EPB42: variants seen among roughly 807,000 people sequenced by gnomAD.
The protein encoded by EPB42 is protein 4.2.
In EPB42, 49 loss-of-function variants were observed where a neutral mutation model predicts 76.9. The ratio of observed to expected loss-of-function variants is 0.64; its 90% CI spans 0.51 to 0.81. The LOEUF is 0.81. EPB42 is among the 30% of genes least tolerant of loss of function. EPB42 has a pLI of 0.00. For missense variants in EPB42, 731 were observed against 867.6 expected (o/e 0.84, Z 1.98); for synonymous variants, 310 against 338.4 (o/e 0.92, Z 0.92).
At chr15:43,219,632 T>G (rs2042428236) in intron 1 of EPB42, among the ~76,000 whole-genome samples, 1 of 152,154 alleles carries the variant, frequency 6.6e-6, no homozygotes, top group Admixed American at 6.5e-5. Flanking sequence ...AGATTTTAAT[T>G]TGTCTGGTCT....
intron 12 of EPB42, among the ~76,000 whole-genome samples, chr15:43,200,634 T>C (rs1346774023): frequency 6.6e-6 from 1 of 152,000 alleles, no homozygotes; most frequent in Non-Finnish European, 1.5e-5. Context: ...TGGAAGAAAA[T>C]GTTAATAGCT....
intron 1 of EPB42, among the ~76,000 whole-genome samples, chr15:43,219,943 TAAA>T (rs770805269): frequency 2.9e-5 from 4 of 137,734 alleles, no homozygotes; most frequent in African/African-American, 2.7e-5. Flanking sequence ...AGACTCCGTT[TAAA>T]AAAAAAAAAA....
chr15:43,206,668 G>C lies in EPB42; in HGVS notation c.1319-39C>G. ...GAAACAAAGCTGACCTTTTACCCGG[G>C]TGGTATAAATGCTTCTAATAAAACC... On this transcript the variant is annotated intron_variant, in intron 9 of 12. Coordinates refer to ENST00000441366, the MANE Select transcript of EPB42 (RefSeq NM_001114134.2). The surrounding 1 kb of genome is among the most constrained non-coding windows in gnomAD (Gnocchi z 4.7). 1 of 1,611,440 alleles carries C rather than the reference G, an allele frequency of 6.2e-7. No individual in the cohort carries two copies. Among genetic ancestry groups the C allele is most frequent in the South Asian group, 1.1e-5 (1 of 90,850 alleles).
At chr15:43,197,549 G>T in intron 12 of EPB42, 85 bp from the exon 13 acceptor site, 1 of 1,482,904 alleles carries the variant, frequency 6.7e-7, no homozygotes, top group South Asian at 1.2e-5. Flanking sequence ...TTCCTTGCTT[G>T]AAGAGGTGGA....
chr15:43,198,399 CAA>C (rs1055084781), intron 12 of EPB42, among the ~76,000 whole-genome samples: 1 of 152,144 alleles, frequency 6.6e-6, no homozygotes, highest in African/African-American at 2.4e-5. Context: ...TATGTTTTAG[CAA>C]AGAGACTGGT....
chr15:43,220,590 T>G (rs2042442721), intron 1 of EPB42: 4 of 847,960 alleles, frequency 4.7e-6, no homozygotes, highest in Non-Finnish European at 7.8e-6. Flanking sequence ...CCAGCACCCA[T>G]CATCACACCA....
intron 1 of EPB42, among the ~76,000 whole-genome samples, chr15:43,219,233 G>C (rs1055223665): frequency 3.9e-5 from 6 of 152,188 alleles, no homozygotes; most frequent in Admixed American, 3.9e-4. Context: ...TTCCAGCACA[G>C]AGATACAGGA....
upstream of EPB42, among the ~76,000 whole-genome samples, chr15:43,223,954 C>T (rs2042485087): frequency 6.6e-6 from 1 of 152,094 alleles, no homozygotes. Flanking sequence ...GCCTTGACAA[C>T]AGAGCAAGAC....
chr15:43,203,397 C>T (rs2042156486), intron 10 of EPB42, 122 bp from the exon 11 acceptor site: 2 of 1,269,382 alleles, frequency 1.6e-6, no homozygotes, highest in Admixed American at 2.0e-5. Context: ...GCACCATTTT[C>T]CCCAGCAATT....
At chr15:43,221,861 T>A (rs1174845046), upstream of EPB42, among the ~76,000 whole-genome samples, 2 of 151,344 alleles carry the variant, frequency 1.3e-5, no homozygotes, top group Non-Finnish European at 2.9e-5. Flanking sequence ...CTTCTGCCTT[T>A]CACTAGCGCA....
In EPB42 at chr15:43,216,427, G is replaced by A; in HGVS notation, c.37C>T (p.Gln13Ter). Residue 13 changes from glutamine to a stop codon, truncating the protein, a stop_gained, in exon 2 of 13, where the codon CAG becomes TAG. Transcript: ENST00000441366. LOFTEE classifies it high-confidence loss of function. ...QALGIKSCDF[Q>*]AARNNEEHHT... is the part of the protein sequence containing the mutation. ...TGCTCCTCATTGTTTCTTGCTGCCT[G>A]AAAGTCACAGCTCTTGATACCCAGG... The A allele has an allele frequency of 2.5e-6, 4 of 1,614,212 alleles. No homozygotes were observed. The highest frequency in any genetic ancestry group is 3.4e-6 in the Non-Finnish European group (4 of 1,180,034).
In EPB42 at chr15:43,220,653, C is replaced by A. The variant is rs546531258; in HGVS notation, c.10+163G>T. 74 of 943,622 alleles carry A rather than the reference C, an allele frequency of 7.8e-5. No individual in the cohort carries two copies. In the Admixed American group the frequency reaches 8.7e-4, roughly 11 times the overall value. The allele number at this position is 943,622 out of a possible 1,614,324, so 58.5% of individuals were successfully genotyped here. A position where few individuals can be genotyped will look rare whatever the true frequency, so the allele number is the denominator to read the frequency against. On this transcript the variant is annotated intron_variant, in intron 1 of 12. Coordinates refer to ENST00000441366, the MANE Select transcript of EPB42 (RefSeq NM_001114134.2). The stretch of plus-strand genomic sequence containing the variant: ...CTACCAGCACCCACCTACCACACCC[C>A]CCCCCCACAGCCACCTCATTATCAC...
At position 43,209,395 on chromosome 15, in the gene EPB42, C is replaced by A. The variant is rs1325077884; in HGVS notation, c.711G>T (p.Gln237His). ...VLPTPQTQAT[Q>H]EGALLNKRRG... ...GGCGCTTGTTCAGCAAGGCCCCTTC[C>A]TGGGTGGCCTGGGTCTGCGGGGTGG... The change falls in exon 6 of 13, where the codon CAG (glutamine) becomes CAT (histidine). Residue 237 changes from glutamine to histidine, a missense_variant. Gln to His is a conservative substitution (Grantham distance 24). Transcript: ENST00000441366. 1.9e-6 allele frequency: 3 copies of A among 1,613,626 alleles called. No individual in the cohort carries two copies. Among genetic ancestry groups the A allele is most frequent in the Non-Finnish European group, 2.5e-6 (3 of 1,179,832 alleles).
chr15:43,212,139 G>A (rs2162367), intron 3 of EPB42, among the ~76,000 whole-genome samples: 2,052 of 152,070 alleles, frequency 0.013, 38 homozygotes, highest in African/African-American at 0.047. Flanking sequence ...AGGCTGAGGC[G>A]GGTGGATCAC....
At chr15:43,216,500 A>G (rs1286195257) in intron 1 of EPB42, 47 bp from the exon 2 acceptor site, 7 of 1,591,268 alleles carry the variant, frequency 4.4e-6, no homozygotes, top group Non-Finnish European at 5.2e-6. Context: ...ACATGTGACA[A>G]TGTAAGTACA....
Position 43,211,407 on chromosome 15 carries a change from C to T in EPB42, c.549+9G>A. The T allele has an allele frequency of 6.4e-7, 1 of 1,556,282 alleles. No individual in the cohort carries two copies. Among genetic ancestry groups the T allele is most frequent in the South Asian group, 1.1e-5 (1 of 89,942 alleles). ...CTCTACACACTCCTCCCCTAGAGGG[C>T]CCTGGTACCTGGCCAAAGTCCCAGG... On this transcript the variant is annotated intron_variant, in intron 4 of 12. Transcript: ENST00000441366.
At chr15:43,220,647 A>ACC (rs1394498919) in intron 1 of EPB42, 169 bp downstream of exon 1, 11 of 756,784 alleles carry the variant, frequency 1.5e-5, no homozygotes, top group South Asian at 6.9e-5. Context: ...CCCACCTACC[A>ACC]CACCCCCCCC....
intron 3 of EPB42, 67 bp from the exon 4 acceptor site, chr15:43,211,601 C>T (rs769852023): frequency 1.5e-5 from 16 of 1,045,920 alleles, no homozygotes; most frequent in Non-Finnish European, 2.3e-5. Context: ...ATCCAGGCCT[C>T]TGTCCTCCCT....
Position 43,206,153 on chromosome 15 carries a change from C to G in EPB42, c.1618+177G>C. 1.5e-6 allele frequency: 1 copy of G among 669,178 alleles called. No homozygotes were observed. Among genetic ancestry groups the G allele is most frequent in the Non-Finnish European group, 2.4e-6 (1 of 415,450 alleles). The allele number at this position is 669,178 out of a possible 1,614,324, so 41.5% of individuals were successfully genotyped here. On this transcript the variant is annotated intron_variant, in intron 10 of 12. Coordinates refer to ENST00000441366, the MANE Select transcript of EPB42 (RefSeq NM_001114134.2). The surrounding 1 kb of genome is among the most constrained non-coding windows in gnomAD (Gnocchi z 4.7). ...TTGGCATCGTGTTTTTTTCCTGCTT[C>G]AGGCCCAATAAATATGTGTTGAATG... is the stretch of plus-strand genomic sequence containing the variant.
Sources: gnomAD v4.1 joint callset for allele counts (sites outside exome capture counted in the v4.1 genomes callset) on GRCh38, gnomAD v4.1.1 for gene constraint, Gnocchi (gnomAD v3.1) non-coding constraint, MANE v1.5 for transcripts, NCBI Gene and HGNC (gene_info 2026-07-23, HGNC 2026-07-21) for gene names.